IQGAP2: variants seen among roughly 807,000 people sequenced by gnomAD.
The protein encoded by IQGAP2 is IQ motif containing GTPase activating protein 2.
Under a neutral mutation model 201.3 loss-of-function variants are expected in IQGAP2, and 173 were observed. The ratio of observed to expected loss-of-function variants is 0.86; its 90% CI spans 0.76 to 0.98. The LOEUF is 0.98. Ranked by LOEUF, IQGAP2 falls within the 50% of genes least tolerant of loss-of-function variation. The pLI, the probability that IQGAP2 is intolerant of heterozygous loss-of-function variation, is 0.00. For synonymous variants in IQGAP2, 675 were observed against 673.9 expected (o/e 1.00, Z -0.03); for missense variants, 1,687 against 1,864.8 (o/e 0.90, Z 1.76).
chr5:76,695,792 C>A, intron 32 of IQGAP2, 126 bp downstream of exon 32: 1 of 541,124 alleles, frequency 1.8e-6, no homozygotes, highest in Non-Finnish European at 3.3e-6. Flanking sequence ...TTACTGCCCT[C>A]TTCAATGCTA....
chr5:76,590,585 AG>A lies in IQGAP2; in HGVS notation c.819+1del. 3.7e-6 allele frequency: 6 copies of A among 1,602,876 alleles called. No homozygotes were observed. The highest frequency in any genetic ancestry group is 5.1e-6 in the Non-Finnish European group (6 of 1,175,604). ...KKKKEENARL[K>X]NSCISEEERD... The stretch of plus-strand genomic sequence containing the variant: ...AAAAAAGAGGAAAATGCAAGACTGA[AG>A]GTGCTTAGATTCTGAGTAATAAAAA... On this transcript the variant is annotated frameshift_variant and splice_region_variant, in exon 8 of 36. Coordinates refer to ENST00000274364, the MANE Select transcript of IQGAP2 (RefSeq NM_006633.5). LOFTEE classifies it high-confidence loss of function.
chr5:76,629,205 C>G (rs1222397174), intron 14 of IQGAP2, among the ~76,000 whole-genome samples: 1 of 152,128 alleles, frequency 6.6e-6, no homozygotes, highest in Admixed American at 6.5e-5. Context: ...CTTTCTTTTA[C>G]TATATCTTAA....
intron 5 of IQGAP2, among the ~76,000 whole-genome samples, chr5:76,584,000 G>C (rs183786018): frequency 8.5e-5 from 13 of 152,084 alleles, no homozygotes; most frequent in Admixed American, 2.0e-4. Context: ...AGCCTCCCTA[G>C]TAGCTGGGAT....
intron 2 of IQGAP2, among the ~76,000 whole-genome samples, chr5:76,498,575 C>A (rs1757110993): frequency 6.6e-6 from 1 of 152,166 alleles, no homozygotes. Flanking sequence ...AACTTCAAAG[C>A]CTCAGTTTTC....
At chr5:76,477,054 A>G (rs192379038) in intron 2 of IQGAP2, among the ~76,000 whole-genome samples, 6 of 152,320 alleles carry the variant, frequency 3.9e-5, no homozygotes, top group African/African-American at 1.4e-4. Flanking sequence ...CCGTTAAAAC[A>G]TTACAGGTCA....
chr5:76,430,804 A>G (rs913924491), intron 1 of IQGAP2, among the ~76,000 whole-genome samples: 3 of 152,210 alleles, frequency 2.0e-5, no homozygotes, highest in East Asian at 1.9e-4. Context: ...TAAATGGGGG[A>G]AAAAGCATGA....
Position 76,701,217 on chromosome 5 carries a change from A to G in IQGAP2, c.4505+4A>G, listed in dbSNP as rs778854257. The G allele has an allele frequency of 6.2e-7, 1 of 1,613,988 alleles. No homozygotes were observed. The highest frequency in any genetic ancestry group is 1.1e-5 in the South Asian group (1 of 91,054). ...TAGATGATCTTCAAACAAACCAGTA[A>G]GTGTGACCTGGAATCTGCATAGAAC... On this transcript the variant is annotated splice_donor_region_variant and intron_variant, in intron 34 of 35. Transcript: ENST00000274364.
At chr5:76,514,184 C>T (rs932727495) in intron 2 of IQGAP2, among the ~76,000 whole-genome samples, 19 of 151,754 alleles carry the variant, frequency 1.3e-4, no homozygotes, top group African/African-American at 2.7e-4. Flanking sequence ...TCAACACAAC[C>T]GGCTAATTTT....
chr5:76,547,339 A>G (rs1580426388), intron 2 of IQGAP2: 1 of 509,002 alleles, frequency 2.0e-6, no homozygotes, highest in Admixed American at 6.4e-5. Context: ...GGCTGGCTTT[A>G]TGGCATTCTC....
intron 2 of IQGAP2, among the ~76,000 whole-genome samples, chr5:76,522,062 A>T (rs1758714090): frequency 6.6e-6 from 1 of 152,208 alleles, no homozygotes; most frequent in Non-Finnish European, 1.5e-5. Flanking sequence ...ATTGGATGGA[A>T]ACAGAAACTT....
At chr5:76,461,449 C>T in intron 1 of IQGAP2, 121 bp from the exon 2 acceptor site, 1 of 572,512 alleles carries the variant, frequency 1.7e-6, no homozygotes, top group Admixed American at 3.1e-5. Context: ...CCTGGTGTTT[C>T]AATACTCCTG....
Position 76,683,767 on chromosome 5 carries a change from T to C in IQGAP2, c.3764-9T>C. ...ATTGGAAAAATAACACTAGGTTTTT[T>C]CCCTACAGGGGAAGGAGCAGTTGAC... is the stretch of plus-strand genomic sequence containing the variant. On this transcript the variant is annotated splice_polypyrimidine_tract_variant and intron_variant, in intron 29 of 35. Coordinates refer to ENST00000274364, the MANE Select transcript of IQGAP2 (RefSeq NM_006633.5). 1 of 1,604,690 alleles carries C rather than the reference T, an allele frequency of 6.2e-7. No individual in the cohort carries two copies. The highest frequency in any genetic ancestry group is 8.5e-7 in the Non-Finnish European group (1 of 1,175,188).
At chr5:76,570,447 A>G in intron 3 of IQGAP2, 133 bp from the exon 4 acceptor site, 1 of 672,944 alleles carries the variant, frequency 1.5e-6, no homozygotes, top group East Asian at 2.6e-5. Context: ...TGTTTGCTTT[A>G]TGTGAACATT....
chr5:76,418,791 C>T (rs576205517), intron 1 of IQGAP2, among the ~76,000 whole-genome samples: 2 of 152,192 alleles, frequency 1.3e-5, no homozygotes, highest in African/African-American at 4.8e-5. Context: ...CTTTATAAAG[C>T]TTATGGCTTA....
chr5:76,633,955 C>T (rs923434249), intron 15 of IQGAP2, among the ~76,000 whole-genome samples: 1 of 152,102 alleles, frequency 6.6e-6, no homozygotes, highest in Non-Finnish European at 1.5e-5. Flanking sequence ...GCGCCACCCC[C>T]TCCCCCCAAC....
At chr5:76,670,608 C>G (rs1350478224) in intron 23 of IQGAP2, among the ~76,000 whole-genome samples, 2 of 152,068 alleles carry the variant, frequency 1.3e-5, no homozygotes, top group African/African-American at 2.4e-5. Context: ...AAGAACCAGG[C>G]ATTGTCAAGC....
intron 2 of IQGAP2, among the ~76,000 whole-genome samples, chr5:76,561,656 T>C (rs1022005623): frequency 3.3e-5 from 5 of 152,188 alleles, no homozygotes; most frequent in African/African-American, 9.6e-5. Flanking sequence ...CATTGTGACA[T>C]GTGAACTGGC....
intron 15 of IQGAP2, among the ~76,000 whole-genome samples, chr5:76,633,178 G>A (rs897514805): frequency 4.6e-5 from 7 of 152,266 alleles, no homozygotes; most frequent in Admixed American, 6.5e-5. Flanking sequence ...GGTGACTATA[G>A]TCAAATCCCT....
intron 2 of IQGAP2, among the ~76,000 whole-genome samples, chr5:76,540,644 C>T (rs1019933247): frequency 1.3e-5 from 2 of 152,128 alleles, no homozygotes; most frequent in Non-Finnish European, 2.9e-5. Flanking sequence ...AAGAAAAGAC[C>T]AATTTGAGGG....
Sources: allele counts gnomAD v4.1 joint callset (sites outside exome capture counted in the v4.1 genomes callset), GRCh38; gene constraint gnomAD v4.1.1; transcripts MANE v1.5; gene names NCBI Gene and HGNC (gene_info 2026-07-23, HGNC 2026-07-21).